The following MCTP2 variants were observed in gnomAD, a reference collection of about 807,000 sequenced individuals.
MCTP2 encodes multiple C2 and transmembrane domain containing 2, also known as multiple C2 and transmembrane domain-containing protein 2.
In MCTP2, 132 loss-of-function variants were observed where a neutral mutation model predicts 111.6. That is an observed-to-expected ratio of 1.18 (90% CI 1.03 to 1.37). The LOEUF is 1.37. Ranked by LOEUF, MCTP2 falls within the 40% of genes most tolerant of loss-of-function variation. The pLI is 0.00. For synonymous variants in MCTP2, 395 were observed against 387.7 expected (o/e 1.02, Z -0.22); for missense variants, 1,183 against 1,067.9 (o/e 1.11, Z -1.50).
intron 22 of MCTP2, among the ~76,000 whole-genome samples, chr15:94,477,291 C>G (rs564387810): frequency 6.6e-6 from 1 of 152,272 alleles, no homozygotes; most frequent in South Asian, 2.1e-4. Flanking sequence ...ATGCAGCCCC[C>G]ATTTACTGTA....
At chr15:94,422,058 G>A (rs1055930658) in intron 17 of MCTP2, among the ~76,000 whole-genome samples, 1 of 152,156 alleles carries the variant, frequency 6.6e-6, no homozygotes, top group Admixed American at 6.6e-5. Flanking sequence ...GAGTGGCTGG[G>A]AGGACAGCAA....
chr15:94,391,913 T>C (rs1214866619), intron 14 of MCTP2, among the ~76,000 whole-genome samples: 3 of 152,142 alleles, frequency 2.0e-5, no homozygotes, highest in Non-Finnish European at 4.4e-5. Context: ...AAAAACCTCT[T>C]ACATGGATTC....
At position 94,481,887 on chromosome 15, in the gene MCTP2, A is replaced by C. The variant is rs1462664722; in HGVS notation, c.*2853A>C. The stretch of plus-strand genomic sequence containing the variant: ...CTTTCAGAACAGAGGGCTGGATTGG[A>C]TAGATTAGTATGATCTATCCTGGAG... On this transcript the variant is annotated 3_prime_UTR_variant, in exon 23 of 23. Coordinates refer to ENST00000357742, the MANE Select transcript of MCTP2 (RefSeq NM_001385001.1). The C allele has an allele frequency of 6.6e-6, 1 of 152,188 alleles. No individual in the cohort carries two copies. The highest frequency in any genetic ancestry group is 2.4e-5 in the African/African-American group (1 of 41,440). 9.4% of individuals were successfully genotyped at this position (152,188 alleles called of 1,614,324 possible).
chr15:94,298,309 G>C lies in MCTP2; in HGVS notation c.44G>C (p.Arg15Pro). 1 of 1,613,944 alleles carries C rather than the reference G, an allele frequency of 6.2e-7. No homozygotes were observed. The highest frequency in any genetic ancestry group is 8.5e-7 in the Non-Finnish European group (1 of 1,179,940). ...TCTGTTTGGGGCTCATTAAAACAGC[G>C]GACCAGGCCATTGTTGATCAACTTG... ...KPSVWGSLKQ[R>P]TRPLLINLSK... The change falls in exon 2 of 23, where the codon CGG (arginine) becomes CCG (proline). Residue 15 changes from arginine (R) to proline (P), a missense_variant. Physicochemically the swap from Arg to Pro is moderately radical, Grantham distance 103 (BLOSUM62 -2). Coordinates refer to ENST00000357742, the MANE Select transcript of MCTP2 (RefSeq NM_001385001.1).
At chr15:94,405,549 T>C (rs1452816220) in intron 17 of MCTP2, among the ~76,000 whole-genome samples, 1 of 152,212 alleles carries the variant, frequency 6.6e-6, no homozygotes, top group Non-Finnish European at 1.5e-5. Flanking sequence ...AAGCATCACC[T>C]TCCTCTACCA....
At chr15:94,243,879 TTA>T (rs2071393790) in intron 1 of MCTP2, among the ~76,000 whole-genome samples, 1 of 147,958 alleles carries the variant, frequency 6.8e-6, no homozygotes, top group Non-Finnish European at 1.5e-5. Flanking sequence ...GTGTATATAT[TTA>T]TGTACACATA....
intron 8 of MCTP2, among the ~76,000 whole-genome samples, chr15:94,352,694 G>T (rs1182366717): frequency 1.3e-5 from 2 of 152,178 alleles, no homozygotes; most frequent in Non-Finnish European, 2.9e-5. Context: ...TTCACGTATA[G>T]GTTCGGGCAC....
At chr15:94,330,159 C>T (rs975311801) in intron 4 of MCTP2, among the ~76,000 whole-genome samples, 10 of 152,148 alleles carry the variant, frequency 6.6e-5, no homozygotes, top group African/African-American at 2.4e-4. Flanking sequence ...AAAAGTATTC[C>T]TCATCCTTAA....
chr15:94,234,105 T>C (rs2070377618), intron 1 of MCTP2, among the ~76,000 whole-genome samples: 1 of 152,096 alleles, frequency 6.6e-6, no homozygotes, highest in African/African-American at 2.4e-5. Flanking sequence ...AGCTGAGCTG[T>C]TAAGTCCTTC....
At chr15:94,245,635 C>CA (rs1567266824) in intron 1 of MCTP2, among the ~76,000 whole-genome samples, 48 of 138,336 alleles carry the variant, frequency 3.5e-4, no homozygotes, top group Non-Finnish European at 5.3e-4. Context: ...TATACATATA[C>CA]TTATACATAT....
intron 22 of MCTP2, among the ~76,000 whole-genome samples, chr15:94,477,418 C>T (rs562071165): frequency 2.0e-5 from 3 of 152,212 alleles, no homozygotes; most frequent in Admixed American, 6.5e-5. Context: ...CAGAGATTAA[C>T]GAAGGCAACA....
At chr15:94,458,341 G>T in intron 20 of MCTP2, 95 bp downstream of exon 20, 1 of 764,606 alleles carries the variant, frequency 1.3e-6, no homozygotes, top group Non-Finnish European at 2.3e-6. Context: ...AGGGAGGCAA[G>T]AAAATACAAA....
At chr15:94,272,400 G>A (rs1567309615) in intron 1 of MCTP2, among the ~76,000 whole-genome samples, 3 of 152,140 alleles carry the variant, frequency 2.0e-5, no homozygotes, top group South Asian at 2.1e-4. Flanking sequence ...TGCGTTTAGC[G>A]TGAGTGTTGC....
chr15:94,454,184 C>T (rs2084651671), intron 19 of MCTP2, among the ~76,000 whole-genome samples: 1 of 151,974 alleles, frequency 6.6e-6, no homozygotes, highest in Admixed American at 6.6e-5. Context: ...ATCAGCAATG[C>T]CACTATAAAT....
chr15:94,477,421 A>G (rs960865752), intron 22 of MCTP2, among the ~76,000 whole-genome samples: 1 of 152,152 alleles, frequency 6.6e-6, no homozygotes, highest in African/African-American at 2.4e-5. Flanking sequence ...AGATTAACGA[A>G]GGCAACAATA....
intron 14 of MCTP2, among the ~76,000 whole-genome samples, chr15:94,394,448 A>G (rs917516791): frequency 6.6e-6 from 1 of 152,110 alleles, no homozygotes. Flanking sequence ...AAAACTTCAT[A>G]TGAGTGTTTG....
intron 4 of MCTP2, among the ~76,000 whole-genome samples, chr15:94,333,795 G>A (rs1394052355): frequency 6.6e-6 from 1 of 152,154 alleles, no homozygotes; most frequent in Non-Finnish European, 1.5e-5. Context: ...CAGTAGGTAA[G>A]GAAGCAGCCA....
rs1026714028 is a variant in MCTP2 at position 94,246,537 on chromosome 15, A to G, written c.-66+14873A>G. 3.9e-5 allele frequency among the ~76,000 whole-genome samples: 6 copies of G among 152,186 alleles called. No individual in the cohort carries two copies. In the East Asian group the frequency reaches 9.6e-4, roughly 24 times the overall value. ...GAGAGACTCATTTAACTTTAATGCC[A>G]TATAATGTGTCATGTTTACCTCCCT... On this transcript the variant is annotated intron_variant, in intron 1 of 22. Coordinates refer to ENST00000357742, the MANE Select transcript of MCTP2 (RefSeq NM_001385001.1).
At chr15:94,332,010 C>A (rs2077154536) in intron 4 of MCTP2, among the ~76,000 whole-genome samples, 1 of 152,198 alleles carries the variant, frequency 6.6e-6, no homozygotes, top group Non-Finnish European at 1.5e-5. Flanking sequence ...TGTGCATGTT[C>A]TGTTTATTTT....
Sources: gnomAD v4.1 joint callset for allele counts (sites outside exome capture counted in the v4.1 genomes callset) on GRCh38, gnomAD v4.1.1 for gene constraint, MANE v1.5 for transcripts, NCBI Gene and HGNC (gene_info 2026-07-23, HGNC 2026-07-21) for gene names.